KAZN: variants seen among roughly 807,000 people sequenced by gnomAD.
KAZN encodes kazrin.
A neutral mutation model predicts 87.4 loss-of-function variants in KAZN; 40 were observed. The ratio of observed to expected loss-of-function variants is 0.46; its 90% CI spans 0.36 to 0.60. The LOEUF (loss-of-function observed/expected upper bound fraction) is 0.60. Ranked by LOEUF, KAZN falls within the 20% of genes least tolerant of loss-of-function variation. The probability of loss-of-function intolerance (pLI) is 0.00; values close to 1 mark genes in which losing one functional copy is unlikely to be tolerated. For synonymous variants in KAZN, 466 were observed against 458.3 expected, an observed-to-expected ratio of 1.02 and a Z score of -0.22; for missense variants, 898 against 1,073.9, an observed-to-expected ratio of 0.84 and a Z score of 2.29.
intron 1 of KAZN, among the ~76,000 whole-genome samples, chr1:14,097,597 A>G (rs918176472): frequency 6.6e-6 from 1 of 152,186 alleles, no homozygotes; most frequent in East Asian, 1.9e-4. Flanking sequence ...CAATTACAGA[A>G]TAATGTATGT....
chr1:14,691,163 T>C (rs1641264855), intron 1 of KAZN, among the ~76,000 whole-genome samples: 1 of 152,188 alleles, frequency 6.6e-6, no homozygotes, highest in Non-Finnish European at 1.5e-5. Flanking sequence ...TGACTATTGA[T>C]GGATGGCTCG....
chr1:15,105,967 A>G (rs508873), intron 13 of KAZN, among the ~76,000 whole-genome samples: 144,299 of 152,218 alleles, frequency 0.95, 68,421 homozygotes, highest in East Asian at 0.99. Context: ...TGCTTCTTAC[A>G]GAGACAATGT....
intron 2 of KAZN, among the ~76,000 whole-genome samples, chr1:14,354,567 C>T (rs954780480): frequency 4.0e-5 from 6 of 151,146 alleles, no homozygotes; most frequent in African/African-American, 4.9e-5. Context: ...AGGTGCTCAA[C>T]GTCAGTAGTC....
At chr1:14,466,691 A>T (rs375417203) in intron 2 of KAZN, among the ~76,000 whole-genome samples, 1 of 151,224 alleles carries the variant, frequency 6.6e-6, no homozygotes, top group Non-Finnish European at 1.5e-5. Flanking sequence ...AGAAACGGCC[A>T]GGCGCGGTGG....
chr1:15,001,521 T>TGGAG (rs1668471311), intron 2 of KAZN, among the ~76,000 whole-genome samples: 2 of 151,446 alleles, frequency 1.3e-5, no homozygotes, highest in Admixed American at 6.6e-5. Flanking sequence ...CTTAGTTTCC[T>TGGAG]CATCCTTAAA....
chr1:14,325,187 CTCTT>C (rs1315537171), intron 2 of KAZN, among the ~76,000 whole-genome samples: 2 of 152,078 alleles, frequency 1.3e-5, no homozygotes, highest in South Asian at 2.1e-4. Context: ...CTCTCTCTCT[CTCTT>C]TTTCACCTCG....
intron 2 of KAZN, among the ~76,000 whole-genome samples, chr1:14,193,410 C>T (rs924160149): frequency 3.9e-5 from 6 of 152,100 alleles, no homozygotes; most frequent in South Asian, 2.1e-4. Context: ...TGGAGTGATG[C>T]GTCTGTAAGC....
chr1:14,333,490 TTCA>T (rs528808602), intron 2 of KAZN, among the ~76,000 whole-genome samples: 355 of 152,312 alleles, frequency 2.3e-3, no homozygotes, highest in African/African-American at 8.3e-3. Flanking sequence ...CTACTTCTCA[TTCA>T]TCATCAAGCA....
chr1:14,549,375 A>G (rs1033788457), intron 2 of KAZN, among the ~76,000 whole-genome samples: 2 of 152,156 alleles, frequency 1.3e-5, no homozygotes, highest in Non-Finnish European at 2.9e-5. Context: ...GTCCTGGCCA[A>G]TGGAATCTAG....
At chr1:15,111,109 C>T (rs570185315) in intron 13 of KAZN, among the ~76,000 whole-genome samples, 1 of 152,312 alleles carries the variant, frequency 6.6e-6, no homozygotes, top group South Asian at 2.1e-4. Context: ...ATGTGGAAGC[C>T]TGTGGAACCC....
chr1:14,753,026 G>T (rs1443369299), intron 1 of KAZN, among the ~76,000 whole-genome samples: 1 of 152,130 alleles, frequency 6.6e-6, no homozygotes, highest in African/African-American at 2.4e-5. Context: ...ACTGAAGAGT[G>T]CATTGGTGAC....
At chr1:14,364,903 G>T (rs1316790079) in intron 2 of KAZN, among the ~76,000 whole-genome samples, 3 of 152,106 alleles carry the variant, frequency 2.0e-5, no homozygotes, top group Admixed American at 2.0e-4. Context: ...CTGTTTTTTT[G>T]TTTTGTTTTG....
intron 2 of KAZN, chr1:14,304,589 G>A (rs951701946): frequency 2.5e-6 from 1 of 398,188 alleles, no homozygotes. Context: ...TTTTCTTTCA[G>A]AAGTCATCCA....
intron 2 of KAZN, among the ~76,000 whole-genome samples, chr1:14,514,636 T>TAC (rs1671206866): frequency 1.5e-5 from 1 of 66,066 alleles, no homozygotes; most frequent in Non-Finnish European, 3.1e-5. Flanking sequence ...TATATATATA[T>TAC]ATATCTCAAA....
Position 15,094,338 on chromosome 1 carries a change from A to C in KAZN, c.1381A>C (p.Met461Leu). 1 of 1,613,912 alleles carries C rather than the reference A, an allele frequency of 6.2e-7. No individual in the cohort carries two copies. The highest frequency in any genetic ancestry group is 8.5e-7 in the Non-Finnish European group (1 of 1,179,850). The change falls in exon 9 of 15, where the codon ATG becomes CTG. Residue 461 changes from methionine (M) to leucine (L), a missense_variant. Physicochemically the swap from Met to Leu is conservative, Grantham distance 15. This residue lies in a region of KAZN where 521 missense variants were observed against 689.4 expected (regional missense o/e 0.76). Transcript: ENST00000376030. This position sits in a 1 kb window ranked among gnomAD's most constrained non-coding sequence, Gnocchi z 4.5. ...GGCCTGGCTGGAGGTGGTGATGGCCATGCCTATGTACGTCAAGGCCTGCAC... is the reference window on the plus strand; with the variant it reads ...GGCCTGGCTGGAGGTGGTGATGGCCCTGCCTATGTACGTCAAGGCCTGCAC... ...VQAWLEVVMA[M>L]PMYVKACTEN... is the part of the protein sequence containing the mutation.
chr1:14,570,144 T>A (rs967942446), intron 2 of KAZN, among the ~76,000 whole-genome samples: 3 of 152,098 alleles, frequency 2.0e-5, no homozygotes, highest in Non-Finnish European at 4.4e-5. Context: ...TTTTTAAAAA[T>A]CCAGGATGCC....
chr1:14,956,294 T>A (rs1663087730), intron 1 of KAZN, among the ~76,000 whole-genome samples: 4 of 99,768 alleles, frequency 4.0e-5, no homozygotes, highest in African/African-American at 1.0e-4. Flanking sequence ...GACCCAGAAG[T>A]CACTGAAAAA....
At chr1:14,275,490 G>C (rs921064405) in intron 2 of KAZN, among the ~76,000 whole-genome samples, 7 of 144,010 alleles carry the variant, frequency 4.9e-5, no homozygotes, top group Non-Finnish European at 1.1e-4. Flanking sequence ...GTGTGTGTGT[G>C]TCTAAACAAT....
chr1:14,457,051 G>T (rs879530167), intron 2 of KAZN, among the ~76,000 whole-genome samples: 1 of 152,216 alleles, frequency 6.6e-6, no homozygotes, highest in East Asian at 1.9e-4. Context: ...CTGCACTCCA[G>T]CCTGGGTGAC....
Sources: allele counts gnomAD v4.1 joint callset (sites outside exome capture counted in the v4.1 genomes callset), GRCh38; gene constraint gnomAD v4.1.1; regional missense constraint gnomAD v4.1.1; non-coding constraint Gnocchi (gnomAD v3.1); transcripts MANE v1.5; gene names NCBI Gene and HGNC (gene_info 2026-07-23, HGNC 2026-07-21).